AUH: variants seen among roughly 807,000 people sequenced by gnomAD.
The protein encoded by AUH is AU RNA binding methylglutaconyl-CoA hydratase, also known as methylglutaconyl-CoA hydratase, mitochondrial.
A neutral mutation model predicts 42.3 loss-of-function variants in AUH; 29 were observed. The ratio of observed to expected loss-of-function variants is 0.69; its 90% confidence interval spans 0.51 to 0.93. The LOEUF (loss-of-function observed/expected upper bound fraction) is 0.93. AUH is among the 40% of genes least tolerant of loss of function. The probability of loss-of-function intolerance (pLI) is 0.00; values close to 1 mark genes in which losing one functional copy is unlikely to be tolerated. For missense variants in AUH, 452 were observed against 438.1 expected (o/e 1.03, Z -0.28); for synonymous variants, 174 against 166.4 (o/e 1.05, Z -0.35).
intron 3 of AUH, among the ~76,000 whole-genome samples, chr9:91,335,944 T>C (rs994434390): frequency 6.6e-6 from 1 of 152,162 alleles, no homozygotes; most frequent in Non-Finnish European, 1.5e-5. Context: ...CATGTGTGCC[T>C]GAAACGAATG....
At chr9:91,249,662 T>C (rs1048638178) in intron 6 of AUH, among the ~76,000 whole-genome samples, 3 of 152,202 alleles carry the variant, frequency 2.0e-5, no homozygotes, top group Admixed American at 6.5e-5. Context: ...AAAAAGGTAT[T>C]CATCAACTAC....
At chr9:91,291,877 T>C (rs116790760) in intron 6 of AUH, among the ~76,000 whole-genome samples, 7 of 143,476 alleles carry the variant, frequency 4.9e-5, no homozygotes, top group African/African-American at 1.6e-4. Context: ...TGAGCCAAGA[T>C]TGTGCCATTG....
At chr9:91,294,838 A>G (rs1451905605) in intron 6 of AUH, 3 of 449,278 alleles carry the variant, frequency 6.7e-6, no homozygotes, top group African/African-American at 4.0e-5. Flanking sequence ...TAGAATTAGA[A>G]GAGTAACCTG....
At chr9:91,231,444 G>A (rs1037128782) in intron 6 of AUH, among the ~76,000 whole-genome samples, 3 of 152,086 alleles carry the variant, frequency 2.0e-5, no homozygotes, top group Admixed American at 1.3e-4. Context: ...ACTGACCTGC[G>A]CCCACTGTCT....
At chr9:91,310,587 T>C (rs1452281988) in intron 4 of AUH, among the ~76,000 whole-genome samples, 1 of 152,178 alleles carries the variant, frequency 6.6e-6, no homozygotes, top group Non-Finnish European at 1.5e-5. Flanking sequence ...ACCAAAATAA[T>C]TCAAGAGTTC....
At position 91,282,895 on chromosome 9, in the gene AUH, G is replaced by A. The variant is rs146378540; in HGVS notation, c.655+13126C>T. Among the ~76,000 whole-genome samples, 534 of 152,064 alleles carry A rather than the reference G, an allele frequency of 3.5e-3. 3 individuals carry two copies. Among genetic ancestry groups the A allele is most frequent in the African/African-American group, 0.012 (483 of 41,492 alleles). On this transcript the variant is annotated intron_variant, in intron 6 of 9. Coordinates refer to ENST00000375731, the MANE Select transcript of AUH (RefSeq NM_001698.3). ...TTCTACCAAAGGTACAAGGAGGAGC[G>A]GGTACCATTCCTTCTGAAACTATTC...
At chr9:91,359,141 T>A (rs1476627465) in intron 1 of AUH, among the ~76,000 whole-genome samples, 1 of 152,228 alleles carries the variant, frequency 6.6e-6, no homozygotes, top group African/African-American at 2.4e-5. Flanking sequence ...GCATGAATCC[T>A]GCTCTATAAA....
intron 6 of AUH, among the ~76,000 whole-genome samples, chr9:91,275,434 C>T (rs2131533295): frequency 6.6e-6 from 1 of 152,190 alleles, no homozygotes; most frequent in African/African-American, 2.4e-5. Context: ...CTTAGAGGAG[C>T]TCTATGGTGA....
At chr9:91,352,458 T>C (rs1832065790) in intron 3 of AUH, among the ~76,000 whole-genome samples, 1 of 151,834 alleles carries the variant, frequency 6.6e-6, no homozygotes, top group Non-Finnish European at 1.5e-5. Context: ...GTAGAGGAAG[T>C]AGGGTTAGAG....
chr9:91,290,890 TAA>T (rs970813027), intron 6 of AUH, among the ~76,000 whole-genome samples: 1 of 152,200 alleles, frequency 6.6e-6, no homozygotes. Context: ...AAAAATCATG[TAA>T]ACATCACCAA....
rs369573464 is a variant in AUH, at chr9:91,345,693, C to T, written c.418+10190G>A. On this transcript the variant is annotated intron_variant, in intron 3 of 9. Coordinates refer to ENST00000375731, the MANE Select transcript of AUH (RefSeq NM_001698.3). Reference sequence around the variant, plus strand: ...CTAAAAATACAAAAAATTAGCCGGGCGTGGTGGCGAGCCCCTGTAGTCCCA... The same window carrying T: ...CTAAAAATACAAAAAATTAGCCGGGTGTGGTGGCGAGCCCCTGTAGTCCCA... 1.1e-4 allele frequency among the ~76,000 whole-genome samples: 16 copies of T among 151,950 alleles called. No homozygotes were observed. In the East Asian group the frequency reaches 1.6e-3, roughly 15 times the overall value.
intron 6 of AUH, among the ~76,000 whole-genome samples, chr9:91,259,326 T>C (rs769522873): frequency 2.6e-5 from 4 of 152,206 alleles, no homozygotes; most frequent in Non-Finnish European, 4.4e-5. Flanking sequence ...TCGTAGGATT[T>C]GTAGTGGTGA....
chr9:91,251,044 A>T (rs1051277598), intron 6 of AUH, among the ~76,000 whole-genome samples: 1 of 152,170 alleles, frequency 6.6e-6, no homozygotes, highest in African/African-American at 2.4e-5. Context: ...GCAGCAGAAG[A>T]GATAGGGCAC....
chr9:91,356,228 A>G, intron 1 of AUH, 73 bp from the exon 2 acceptor site: 1 of 1,204,692 alleles, frequency 8.3e-7, no homozygotes, highest in South Asian at 1.2e-5. Context: ...TACATCACAC[A>G]TCTAGCTAGC....
chr9:91,298,323 A>G (rs1163362783), intron 4 of AUH, among the ~76,000 whole-genome samples: 9 of 152,210 alleles, frequency 5.9e-5, no homozygotes. Flanking sequence ...TTATTGAATT[A>G]CTTTCATAAA....
intron 7 of AUH, chr9:91,218,806 C>G: frequency 1.0e-6 from 1 of 985,104 alleles, no homozygotes; most frequent in Non-Finnish European, 1.2e-6. Flanking sequence ...ATCTGGAGGA[C>G]TAATCATTTG....
Position 91,282,922 on chromosome 9 carries a change from A to G in AUH, c.655+13099T>C, listed in dbSNP as rs539097356. Among the ~76,000 whole-genome samples the G allele has an allele frequency of 2.0e-5, 3 of 152,320 alleles. No individual in the cohort carries two copies. The South Asian group carries it at 6.2e-4, about 32-fold the overall frequency. On this transcript the variant is annotated intron_variant, in intron 6 of 9. Coordinates refer to ENST00000375731, the MANE Select transcript of AUH (RefSeq NM_001698.3). ...GTACCATTCCTTCTGAAACTATTCC[A>G]ATCAACAGAAAAAGAGGGAATCTTC...
intron 6 of AUH, among the ~76,000 whole-genome samples, chr9:91,283,480 A>G (rs1826142622): frequency 6.6e-6 from 1 of 152,166 alleles, no homozygotes; most frequent in African/African-American, 2.4e-5. Context: ...GGCAGGAGAA[A>G]GAAATAAACG....
At chr9:91,340,498 C>T (rs1831027218) in intron 3 of AUH, among the ~76,000 whole-genome samples, 1 of 152,140 alleles carries the variant, frequency 6.6e-6, no homozygotes, top group African/African-American at 2.4e-5. Flanking sequence ...AAAAGCAATA[C>T]ATTATTCAAA....
Sources: allele counts gnomAD v4.1 joint callset (sites outside exome capture counted in the v4.1 genomes callset), GRCh38; gene constraint gnomAD v4.1.1; transcripts MANE v1.5; gene names NCBI Gene and HGNC (gene_info 2026-07-23, HGNC 2026-07-21).